The following CFHR5 variants were observed in gnomAD, a reference collection of about 807,000 sequenced individuals.
The protein encoded by CFHR5 is complement factor H related 5.
Under a neutral mutation model 62.9 loss-of-function variants are expected in CFHR5, and 73 were observed. That is an observed-to-expected ratio of 1.16 (90% CI 0.96 to 1.41). CFHR5 has a LOEUF of 1.41. Among genes scored for constraint, CFHR5 ranks in the 40% most tolerant of loss-of-function variants. The probability of loss-of-function intolerance (pLI) is 0.00; values close to 1 mark genes in which losing one functional copy is unlikely to be tolerated. For synonymous variants in CFHR5, 249 were observed against 227.2 expected (o/e 1.10, Z -0.86); for missense variants, 779 against 679.9 (o/e 1.15, Z -1.62).
At chr1:196,979,864 A>G (rs1174392765) in intron 1 of CFHR5, among the ~76,000 whole-genome samples, 1 of 152,126 alleles carries the variant, frequency 6.6e-6, no homozygotes, top group African/African-American at 2.4e-5. Context: ...TTCTTCAATA[A>G]TAAATTAATT....
Position 197,009,489 on chromosome 1 carries a change from A to G in CFHR5, c.*806A>G, listed in dbSNP as rs551890459. ...AACTTTCTGAATTAACGTTATTTAAAAGGAAATGTAGATGTTATTTTAGTC... is the reference window on the plus strand; with the variant it reads ...AACTTTCTGAATTAACGTTATTTAAGAGGAAATGTAGATGTTATTTTAGTC... On this transcript the variant is annotated 3_prime_UTR_variant, in exon 10 of 10. Coordinates refer to ENST00000256785, the MANE Select transcript of CFHR5 (RefSeq NM_030787.4). 6.6e-6 allele frequency: 1 copy of G among 152,314 alleles called. No individual in the cohort carries two copies. The highest frequency in any genetic ancestry group is 2.4e-5 in the African/African-American group (1 of 41,558). The allele number at this position is 152,314 out of a possible 1,614,324, so 9.4% of individuals were successfully genotyped here.
In CFHR5 at chr1:197,008,613, C is replaced by T. The variant is rs534950713; in HGVS notation, c.1640C>T (p.Ala547Val). Residue 547 changes from alanine (A) to valine (V), a missense_variant, in exon 10 of 10, where the codon GCG becomes GTG. Ala to Val is a moderately conservative substitution (Grantham distance 64, BLOSUM62 0). Coordinates refer to ENST00000256785, the MANE Select transcript of CFHR5 (RefSeq NM_030787.4). ...VEFQCKFPHKAMISSPPFRAI... is the reference protein window; with the variant it reads ...VEFQCKFPHKVMISSPPFRAI... Reference sequence around the variant, plus strand: ...TTCCAGTGTAAATTCCCACATAAAGCGATGATATCATCACCACCATTTCGA... The same window carrying T: ...TTCCAGTGTAAATTCCCACATAAAGTGATGATATCATCACCACCATTTCGA... The T allele has an allele frequency of 4.8e-5, 77 of 1,613,556 alleles. No homozygotes were observed. In the South Asian group the frequency reaches 7.9e-4, roughly 17 times the overall value.
At chr1:196,977,479 C>A (rs942748593), upstream of CFHR5, 2 of 667,274 alleles carry the variant, frequency 3.0e-6, no homozygotes, top group African/African-American at 1.8e-5. Context: ...TGATTAGATA[C>A]TATTTGCTTA....
At chr1:196,992,124 T>C (rs2125032286) in intron 3 of CFHR5, among the ~76,000 whole-genome samples, 1 of 152,284 alleles carries the variant, frequency 6.6e-6, no homozygotes, top group South Asian at 2.1e-4. Flanking sequence ...GCCAGGCTGC[T>C]GCCTCACAGG....
intron 8 of CFHR5, among the ~76,000 whole-genome samples, chr1:197,004,190 G>A (rs1052634713): frequency 2.6e-5 from 4 of 151,972 alleles, no homozygotes; most frequent in Non-Finnish European, 4.4e-5. Context: ...TTATTGATAG[G>A]GAAAGATGCC....
In CFHR5 at chr1:196,999,683, GTATATATATATATATA is replaced by G. The variant is rs35191504; in HGVS notation, c.1147+1404_1147+1419del. Among the ~76,000 whole-genome samples, 184 of 110,626 alleles carry G rather than the reference GTATATATATATATATA, an allele frequency of 1.7e-3. 2 individuals carry two copies. The highest frequency in any genetic ancestry group is 4.0e-3 in the African/African-American group (103 of 25,986). 72.6% of individuals were successfully genotyped at this position (110,626 alleles called of 152,430 possible). ...TTAAACTTATCTATTTTGGGAAAAAGTATATATATATATATATATATATATATATATATATATATAC... is the reference window on the plus strand; with the variant it reads ...TTAAACTTATCTATTTTGGGAAAAAGTATATATATATATATATATATATAC... On this transcript the variant is annotated intron_variant, in intron 7 of 9. Coordinates refer to ENST00000256785, the MANE Select transcript of CFHR5 (RefSeq NM_030787.4).
chr1:197,000,556 C>G (rs974565496), intron 7 of CFHR5, among the ~76,000 whole-genome samples: 3 of 152,086 alleles, frequency 2.0e-5, no homozygotes, highest in African/African-American at 7.2e-5. Flanking sequence ...ATATCTAACT[C>G]ACTTAGTTGG....
intron 1 of CFHR5, among the ~76,000 whole-genome samples, chr1:196,981,461 A>C (rs1653538293): frequency 6.6e-6 from 1 of 152,004 alleles, no homozygotes; most frequent in African/African-American, 2.4e-5. Context: ...CAGTAAAAAA[A>C]CTGTAAATAA....
chr1:197,001,498 A>G (rs1271697551), intron 7 of CFHR5, among the ~76,000 whole-genome samples: 1 of 152,120 alleles, frequency 6.6e-6, no homozygotes, highest in Non-Finnish European at 1.5e-5. Flanking sequence ...TAGTATAGCG[A>G]GGAAAAAAAA....
chr1:197,002,979 G>A (rs1299189543), intron 8 of CFHR5, among the ~76,000 whole-genome samples: 1 of 152,108 alleles, frequency 6.6e-6, no homozygotes, highest in Non-Finnish European at 1.5e-5. Context: ...ATGGCCTATA[G>A]TATTCAGTAT....
chr1:196,999,785 GTA>G (rs1299097017), intron 7 of CFHR5, among the ~76,000 whole-genome samples: 3 of 127,008 alleles, frequency 2.4e-5, no homozygotes, highest in Non-Finnish European at 4.9e-5. Context: ...ATGTATATAT[GTA>G]TATATGTGTG....
At chr1:196,981,391 C>A (rs1653536932) in intron 1 of CFHR5, among the ~76,000 whole-genome samples, 1 of 151,898 alleles carries the variant, frequency 6.6e-6, no homozygotes, top group Non-Finnish European at 1.5e-5. Flanking sequence ...GGGGGCTATT[C>A]ATGTGGCAGG....
chr1:196,995,415 C>T (rs777512789), intron 4 of CFHR5, among the ~76,000 whole-genome samples: 14 of 152,052 alleles, frequency 9.2e-5, no homozygotes, highest in Non-Finnish European at 1.6e-4. Flanking sequence ...CTTTCAATTA[C>T]TTCACAAAAA....
intron 7 of CFHR5, among the ~76,000 whole-genome samples, chr1:197,001,658 C>G (rs1257606268): frequency 6.6e-6 from 1 of 151,310 alleles, no homozygotes; most frequent in Non-Finnish European, 1.5e-5. Flanking sequence ...CCCATTAACT[C>G]GTCATTTAGC....
chr1:197,006,987 C>A (rs1304793053), intron 9 of CFHR5, among the ~76,000 whole-genome samples: 4 of 151,788 alleles, frequency 2.6e-5, no homozygotes, highest in Admixed American at 2.6e-4. Flanking sequence ...CAGGCACATG[C>A]CACCATGCCC....
At position 197,002,507 on chromosome 1, in the gene CFHR5, G is replaced by A. The variant is rs200148491; in HGVS notation, c.1173G>A (p.Pro391=). 2.9e-5 allele frequency: 46 copies of A among 1,612,918 alleles called. No homozygotes were observed. Among genetic ancestry groups the A allele is most frequent in the East Asian group, 8.9e-5 (4 of 44,802 alleles). The change falls in exon 8 of 10, where the codon CCG becomes CCA. Residue 391 remains proline, a synonymous_variant. Transcript: ENST00000256785. ...AAAAAAGGGAACAATTCTGCCCACC[G>A]CCACCTCAGATACCTAATGCTCAGA... is the stretch of plus-strand genomic sequence containing the variant. The part of the protein sequence containing the change: ...CTEKREQFCP[P]PPQIPNAQNM...
intron 1 of CFHR5, among the ~76,000 whole-genome samples, chr1:196,982,407 C>T (rs1653566189): frequency 6.6e-6 from 1 of 152,156 alleles, no homozygotes. Flanking sequence ...CATGGTGGTT[C>T]ATGCCTGTAA....
intron 8 of CFHR5, 130 bp downstream of exon 8, chr1:197,002,794 TA>T: frequency 1.4e-6 from 1 of 725,510 alleles, no homozygotes; most frequent in South Asian, 1.8e-5. Flanking sequence ...AATTGCTAAG[TA>T]ACCAATTCTG....
At chr1:196,976,563 T>G (rs1653397681), upstream of CFHR5, among the ~76,000 whole-genome samples, 1 of 152,102 alleles carries the variant, frequency 6.6e-6, no homozygotes, top group Admixed American at 6.5e-5. Flanking sequence ...TTACTGAATT[T>G]TATGGAGACT....
Sources: gnomAD v4.1 joint callset for allele counts (sites outside exome capture counted in the v4.1 genomes callset) on GRCh38, gnomAD v4.1.1 for gene constraint, MANE v1.5 for transcripts, NCBI Gene and HGNC (gene_info 2026-07-23, HGNC 2026-07-21) for gene names.